Variants in GRIK4 observed in about 807,000 individuals in gnomAD.
GRIK4 encodes the protein glutamate ionotropic receptor kainate type subunit 4.
A neutral mutation model predicts 104.9 loss-of-function variants in GRIK4; 40 were observed. The ratio of observed to expected loss-of-function variants is 0.38; its 90% confidence interval spans 0.30 to 0.50. GRIK4 has a LOEUF of 0.50. Among genes scored for constraint, GRIK4 ranks in the 20% least tolerant of loss-of-function variants. GRIK4 has a pLI of 0.93. For synonymous variants in GRIK4, 485 were observed against 524.9 expected (o/e 0.92, Z 1.04); for missense variants, 1,047 against 1,308.1 (o/e 0.80, Z 3.08).
chr11:120,948,130 C>T (rs962158517), intron 14 of GRIK4, among the ~76,000 whole-genome samples: 2 of 152,182 alleles, frequency 1.3e-5, no homozygotes, highest in African/African-American at 4.8e-5. Flanking sequence ...AGGAAGAAAT[C>T]ACCTCCTCCT....
chr11:120,964,442 C>A (rs1944349006), intron 18 of GRIK4, among the ~76,000 whole-genome samples: 1 of 152,146 alleles, frequency 6.6e-6, no homozygotes, highest in Non-Finnish European at 1.5e-5. Flanking sequence ...AACCTGCACA[C>A]CCTCTATATG....
chr11:120,787,055 C>A (rs139074890), intron 3 of GRIK4, among the ~76,000 whole-genome samples: 42 of 152,260 alleles, frequency 2.8e-4, no homozygotes, highest in African/African-American at 9.6e-4. Context: ...CAATGGCTCA[C>A]GCCTGTCATC....
intron 11 of GRIK4, among the ~76,000 whole-genome samples, chr11:120,884,265 GC>G (rs1955054680): frequency 6.6e-6 from 1 of 152,222 alleles, no homozygotes. Flanking sequence ...TTATAGCTGT[GC>G]TTTGAGGATT....
At chr11:120,669,059 T>C (rs2135261274) in intron 3 of GRIK4, among the ~76,000 whole-genome samples, 1 of 152,296 alleles carries the variant, frequency 6.6e-6, no homozygotes, top group Non-Finnish European at 1.5e-5. Context: ...AAATCTTGTC[T>C]CTTCTCTTCT....
intron 13 of GRIK4, among the ~76,000 whole-genome samples, chr11:120,916,357 C>T: frequency 6.6e-6 from 1 of 152,152 alleles, no homozygotes; most frequent in South Asian, 2.1e-4. Context: ...TTAGACATAG[C>T]AAAGTACATC....
intron 1 of GRIK4, among the ~76,000 whole-genome samples, chr11:120,636,817 G>A: frequency 6.6e-6 from 1 of 151,434 alleles, no homozygotes; most frequent in East Asian, 1.9e-4. Flanking sequence ...TCCAGCCTGG[G>A]AGACAGAGTG....
intron 18 of GRIK4, 45 bp downstream of exon 18, chr11:120,962,726 A>G (rs772266482): frequency 2.9e-5 from 39 of 1,354,102 alleles, no homozygotes; most frequent in Non-Finnish European, 3.8e-5. Flanking sequence ...TTGTCCAGAC[A>G]GGGTCAGGGT....
chr11:120,571,231 C>T (rs1948393901), intron 1 of GRIK4, among the ~76,000 whole-genome samples: 1 of 152,222 alleles, frequency 6.6e-6, no homozygotes, highest in Non-Finnish European at 1.5e-5. Context: ...TCTTGGTTTA[C>T]TCCATTGTTT....
chr11:120,772,568 G>T (rs1313727124), intron 3 of GRIK4, among the ~76,000 whole-genome samples: 1 of 152,138 alleles, frequency 6.6e-6, no homozygotes, highest in Non-Finnish European at 1.5e-5. Context: ...TTCAACTCAG[G>T]CTAAGGAGGT....
At chr11:120,668,382 AAAAG>A (rs758767194) in intron 3 of GRIK4, among the ~76,000 whole-genome samples, 1 of 152,000 alleles carries the variant, frequency 6.6e-6, no homozygotes, top group Non-Finnish European at 1.5e-5. Context: ...AAAAGAAAGA[AAAAG>A]AAAGGAAGAA....
chr11:120,575,756 G>A (rs995761970), intron 1 of GRIK4: 2 of 152,094 alleles, frequency 1.3e-5, no homozygotes, highest in South Asian at 4.1e-4. Flanking sequence ...TATGAACCAA[G>A]CAGCAGAAAG....
chr11:120,833,281 C>A (rs1172332698), intron 7 of GRIK4, among the ~76,000 whole-genome samples: 2 of 99,162 alleles, frequency 2.0e-5, no homozygotes, highest in African/African-American at 4.1e-5. Context: ...CTCTCTCTCT[C>A]TTTCTCTCTG....
At chr11:120,625,974 G>A (rs1949253972) in intron 1 of GRIK4, among the ~76,000 whole-genome samples, 2 of 152,024 alleles carry the variant, frequency 1.3e-5, no homozygotes, top group South Asian at 4.1e-4. Context: ...AAATATAAAA[G>A]GCCAACTTCA....
At chr11:120,700,561 C>A (rs1950535757) in intron 3 of GRIK4, among the ~76,000 whole-genome samples, 1 of 152,298 alleles carries the variant, frequency 6.6e-6, no homozygotes, top group Admixed American at 6.5e-5. Context: ...TGAGTTCAAG[C>A]AATTCTCCTG....
intron 3 of GRIK4, among the ~76,000 whole-genome samples, chr11:120,800,012 T>G (rs78725318): frequency 1.0e-5 from 1 of 97,690 alleles, no homozygotes; most frequent in Non-Finnish European, 1.8e-5. Flanking sequence ...CATGCCTGGC[T>G]TTTTTTTTTT....
intron 19 of GRIK4, among the ~76,000 whole-genome samples, chr11:120,978,073 C>T (rs1944591026): frequency 6.6e-6 from 1 of 152,078 alleles, no homozygotes; most frequent in South Asian, 2.1e-4. Context: ...GTAATGCAGC[C>T]CTCTGCATCT....
chr11:120,814,374 T>TG (rs1952889407), intron 4 of GRIK4, among the ~76,000 whole-genome samples: 1 of 152,026 alleles, frequency 6.6e-6, no homozygotes, highest in Non-Finnish European at 1.5e-5. Flanking sequence ...CCAAGGCAGG[T>TG]GGATCACTTG....
chr11:120,545,024 G>T (rs1448990791), intron 1 of GRIK4, among the ~76,000 whole-genome samples: 3 of 152,120 alleles, frequency 2.0e-5, no homozygotes, highest in African/African-American at 7.2e-5. Flanking sequence ...TGGGGAAACT[G>T]AGGCAGGGAG....
intron 3 of GRIK4, among the ~76,000 whole-genome samples, chr11:120,759,582 A>G (rs188786814): frequency 2.0e-3 from 304 of 152,136 alleles, no homozygotes; most frequent in African/African-American, 6.7e-3. Flanking sequence ...AATGGGGCCA[A>G]TCTGGCTCAC....
Sources: allele counts gnomAD v4.1 joint callset (sites outside exome capture counted in the v4.1 genomes callset), GRCh38; gene constraint gnomAD v4.1.1; transcripts MANE v1.5; gene names NCBI Gene and HGNC (gene_info 2026-07-23, HGNC 2026-07-21).